LRRK2: variants seen among roughly 807,000 people sequenced by gnomAD.
LRRK2 encodes the protein leucine-rich repeat serine/threonine-protein kinase 2.
In LRRK2, 203 loss-of-function variants were observed where a neutral mutation model predicts 302.6. The observed-to-expected ratio is 0.67, with a 90% CI of 0.60 to 0.75. LRRK2 has a LOEUF of 0.75. Ranked by LOEUF, LRRK2 falls within the 30% of genes least tolerant of loss-of-function variation. The pLI, the probability that LRRK2 is intolerant of heterozygous loss-of-function variation, is 0.00. For missense variants in LRRK2, 2,830 were observed against 2,951.0 expected (o/e 0.96, Z 0.95); for synonymous variants, 1,066 against 1,031.9 (o/e 1.03, Z -0.63).
rs1179163564 is a variant in LRRK2 at position 40,225,233 on chromosome 12, G to C, written c.102G>C (p.Thr34=). The change falls in exon 1 of 51, where the codon ACG becomes ACC. Residue 34 remains threonine (T), a synonymous_variant. Coordinates refer to ENST00000298910, the MANE Select transcript of LRRK2 (RefSeq NM_198578.4). ...NNVQEGKQIE[T]LVQILEDLLV... Reference sequence around the variant, plus strand: ...TCCAGGAAGGAAAACAGATAGAAACGCTGGTCCAAATCCTGGAGGATCTGC... The same window carrying C: ...TCCAGGAAGGAAAACAGATAGAAACCCTGGTCCAAATCCTGGAGGATCTGC... 4 of 1,614,022 alleles carry C rather than the reference G, an allele frequency of 2.5e-6. No homozygotes were observed. The African/African-American group carries it at 5.3e-5, about 22-fold the overall frequency.
chr12:40,276,378 C>T (rs981103363), intron 16 of LRRK2, among the ~76,000 whole-genome samples: 25 of 152,106 alleles, frequency 1.6e-4, no homozygotes, highest in African/African-American at 5.6e-4. Flanking sequence ...TCACATCACC[C>T]TCCGCCTCCT....
At chr12:40,253,938 T>C (rs1452096583) in intron 11 of LRRK2, among the ~76,000 whole-genome samples, 1 of 152,202 alleles carries the variant, frequency 6.6e-6, no homozygotes, top group Non-Finnish European at 1.5e-5. Context: ...CTATTATAAA[T>C]TTCCACACTA....
At chr12:40,319,918 TA>T in intron 33 of LRRK2, 69 bp from the exon 34 acceptor site, 1 of 1,453,210 alleles carries the variant, frequency 6.9e-7, no homozygotes. Flanking sequence ...CAAAGAGACA[TA>T]AAATGCTTTA....
chr12:40,231,934 G>A (rs2136394452), intron 2 of LRRK2, among the ~76,000 whole-genome samples: 1 of 151,842 alleles, frequency 6.6e-6, no homozygotes, highest in African/African-American at 2.4e-5. Flanking sequence ...CTCCCGAGTA[G>A]CTGAGATTAC....
chr12:40,367,393 T>C, intron 50 of LRRK2: 1 of 404,706 alleles, frequency 2.5e-6, no homozygotes, highest in Non-Finnish European at 4.3e-6. Flanking sequence ...AAGCTTTTAT[T>C]TCTTTTAGAA....
chr12:40,336,887 C>T (rs1361110464), intron 40 of LRRK2, among the ~76,000 whole-genome samples: 7 of 152,118 alleles, frequency 4.6e-5, no homozygotes, highest in African/African-American at 1.7e-4. Flanking sequence ...TCCACAAATC[C>T]CCAAAGTGTT....
intron 14 of LRRK2, among the ~76,000 whole-genome samples, chr12:40,264,716 G>T (rs1292277715): frequency 1.3e-5 from 2 of 152,152 alleles, no homozygotes; most frequent in African/African-American, 2.4e-5. Flanking sequence ...CCTCTGAAAT[G>T]ATTTGGTATA....
chr12:40,348,588 A>G, intron 43 of LRRK2, 79 bp downstream of exon 43: 3 of 876,714 alleles, frequency 3.4e-6, no homozygotes, highest in South Asian at 3.1e-5. Context: ...TCAAATATAT[A>G]TACTTAAACA....
chr12:40,328,518 C>T (rs963311975), intron 39 of LRRK2, 58 bp downstream of exon 39: 2 of 1,314,110 alleles, frequency 1.5e-6, no homozygotes, highest in Non-Finnish European at 2.1e-6. Context: ...TACTGGAACT[C>T]TTATTTTGCA....
chr12:40,317,201 T>A (rs187767305), intron 33 of LRRK2, among the ~76,000 whole-genome samples: 1 of 152,174 alleles, frequency 6.6e-6, no homozygotes, highest in Admixed American at 6.6e-5. Flanking sequence ...ATTAAGTTAA[T>A]TTGAGCCACT....
intron 38 of LRRK2, among the ~76,000 whole-genome samples, chr12:40,327,545 A>G (rs1050519358): frequency 6.6e-6 from 1 of 152,198 alleles, no homozygotes; most frequent in Non-Finnish European, 1.5e-5. Context: ...GAGAACTTTA[A>G]AAGGATTTAG....
chr12:40,282,423 G>T (rs778610202), intron 18 of LRRK2, among the ~76,000 whole-genome samples: 1 of 152,050 alleles, frequency 6.6e-6, no homozygotes, highest in Non-Finnish European at 1.5e-5. Flanking sequence ...ATGGATGGGA[G>T]CCGGGAGGAG....
chr12:40,354,814 CTCAT>C (rs1231199902), intron 45 of LRRK2, among the ~76,000 whole-genome samples: 3 of 151,028 alleles, frequency 2.0e-5, no homozygotes, highest in African/African-American at 7.4e-5. Context: ...AGGATAAATT[CTCAT>C]TCATTCATTC....
intron 39 of LRRK2, among the ~76,000 whole-genome samples, chr12:40,331,542 G>A (rs946919031): frequency 1.3e-5 from 2 of 151,836 alleles, no homozygotes; most frequent in Non-Finnish European, 2.9e-5. Context: ...AATTGCCTTG[G>A]GCCATATATA....
At chr12:40,248,223 T>TGTTA (rs1324271891) in intron 7 of LRRK2, among the ~76,000 whole-genome samples, 9 of 152,196 alleles carry the variant, frequency 5.9e-5, no homozygotes, top group African/African-American at 2.2e-4. Flanking sequence ...AACTTGCACA[T>TGTTA]GTTACATTAA....
intron 7 of LRRK2, among the ~76,000 whole-genome samples, chr12:40,249,166 G>A (rs184324722): frequency 2.1e-4 from 32 of 152,176 alleles, no homozygotes; most frequent in Non-Finnish European, 3.8e-4. Flanking sequence ...TTACAAATAA[G>A]CCAAATAGAA....
intron 5 of LRRK2, 134 bp downstream of exon 5, chr12:40,238,237 CAAGGGTGAGG>C (rs1941561446): frequency 1.1e-6 from 1 of 890,370 alleles, no homozygotes; most frequent in Non-Finnish European, 1.7e-6. Context: ...AGTTGTCTGT[CAAGGGTGAGG>C]AATGGGGTTA....
chr12:40,252,967 A>C lies in LRRK2; in HGVS notation c.1239A>C (p.Glu413Asp). Residue 413 changes from glutamate (E) to aspartate (D), a missense_variant, in exon 11 of 51, where the codon GAA becomes GAC. Transcript: ENST00000298910. ...TGCTGATGCATTCTTCATCAAAGGA[A>C]GTTTTCCAGGCATCTGCGAATGCAT... ...LSMLMHSSSK[E>D]VFQASANALS... The C allele has an allele frequency of 1.9e-6, 3 of 1,613,506 alleles. No homozygotes were observed. The highest frequency in any genetic ancestry group is 2.5e-6 in the Non-Finnish European group (3 of 1,179,600).
chr12:40,303,055 A>G (rs1944687306), intron 26 of LRRK2, among the ~76,000 whole-genome samples, 173 bp downstream of exon 26: 1 of 152,152 alleles, frequency 6.6e-6, no homozygotes, highest in African/African-American at 2.4e-5. Context: ...ATTACTTAAA[A>G]TGGAAACTTT....
Sources: gnomAD v4.1 joint callset for allele counts (sites outside exome capture counted in the v4.1 genomes callset) on GRCh38, gnomAD v4.1.1 for gene constraint, MANE v1.5 for transcripts, NCBI Gene and HGNC (gene_info 2026-07-23, HGNC 2026-07-21) for gene names.